Variants in NKAPD1 observed in about 807,000 individuals in gnomAD.
The protein encoded by NKAPD1 is uncharacterized protein NKAPD1.
Under a neutral mutation model 30.9 loss-of-function variants are expected in NKAPD1, and 12 were observed. The ratio of observed to expected loss-of-function variants is 0.39; its 90% confidence interval spans 0.25 to 0.63. The LOEUF is 0.63. NKAPD1 is among the 20% of genes least tolerant of loss of function. The pLI is 0.51. For missense variants in NKAPD1, 311 were observed against 344.5 expected (o/e 0.90, Z 0.77); for synonymous variants, 91 against 113.6 (o/e 0.80, Z 1.26).
rs1306858347 is a variant in NKAPD1, at chr11:112,083,014, C to T, written c.*42C>T. 2 of 1,550,250 alleles carry T rather than the reference C, an allele frequency of 1.3e-6. No homozygotes were observed. The highest frequency in any genetic ancestry group is 1.3e-5 in the South Asian group (1 of 77,840). On this transcript the variant is annotated 3_prime_UTR_variant, in exon 6 of 6. Coordinates refer to ENST00000393047, the MANE Select transcript of NKAPD1 (RefSeq NM_018195.4). ...TTTTCCACATGACTGTGGATATTTACAGTTCTTACTCCTTGTGGTTTTGCC... is the reference window on the plus strand; with the variant it reads ...TTTTCCACATGACTGTGGATATTTATAGTTCTTACTCCTTGTGGTTTTGCC...
rs903956053 is a variant in NKAPD1 at position 112,082,546 on chromosome 11, G to T, written c.456G>T (p.Lys152Asn). 6.2e-7 allele frequency: 1 copy of T among 1,610,576 alleles called. No homozygotes were observed. Among genetic ancestry groups the T allele is most frequent in the Admixed American group, 1.7e-5 (1 of 59,352 alleles). ...KSSTHESRKH[K>N]KSKKSHKKKQ... ...CTACCCATGAATCCCGCAAACACAAGAAGTCAAAGAAATCCCACAAAAAAA... is the reference window on the plus strand; with the variant it reads ...CTACCCATGAATCCCGCAAACACAATAAGTCAAAGAAATCCCACAAAAAAA... Residue 152 changes from lysine to asparagine, a missense_variant, in exon 6 of 6, where the codon AAG becomes AAT. Transcript: ENST00000393047.
intron 2 of NKAPD1, among the ~76,000 whole-genome samples, chr11:112,078,006 C>T (rs1024351969): frequency 5.9e-5 from 9 of 151,850 alleles, no homozygotes; most frequent in East Asian, 3.9e-4. Flanking sequence ...CTACCACGCC[C>T]GGCTAATTTT....
At chr11:112,079,503 A>G (rs1865399612) in intron 3 of NKAPD1, among the ~76,000 whole-genome samples, 1 of 152,208 alleles carries the variant, frequency 6.6e-6, no homozygotes, top group Non-Finnish European at 1.5e-5. Flanking sequence ...TAGAAATGGT[A>G]AACAGAAGCT....
At chr11:112,082,360 A>T in intron 5 of NKAPD1, 105 bp from the exon 6 acceptor site, 1 of 1,010,486 alleles carries the variant, frequency 9.9e-7, no homozygotes, top group Non-Finnish European at 1.4e-6. Context: ...GTGCTTATTT[A>T]AAATTCAGAT....
Position 112,082,517 on chromosome 11 carries a change from T to A in NKAPD1, c.427T>A (p.Ser143Thr). 1 of 1,605,436 alleles carries A rather than the reference T, an allele frequency of 6.2e-7. No homozygotes were observed. The highest frequency in any genetic ancestry group is 8.5e-7 in the Non-Finnish European group (1 of 1,178,244). Reference sequence around the variant, plus strand: ...GAAGAAAACATCTCCCCAGGTAAAGTCATCTACCCATGAATCCCGCAAACA... The same window carrying A: ...GAAGAAAACATCTCCCCAGGTAAAGACATCTACCCATGAATCCCGCAAACA... ...NGKKTSPQVK[S>T]STHESRKHKK... The change falls in exon 6 of 6, where the codon TCA becomes ACA. Residue 143 changes from serine to threonine, a missense_variant. Ser to Thr is a moderately conservative substitution (Grantham distance 58). Coordinates refer to ENST00000393047, the MANE Select transcript of NKAPD1 (RefSeq NM_018195.4).
intron 4 of NKAPD1, chr11:112,081,682 G>GT (rs565579643): frequency 1.0e-3 from 293 of 292,022 alleles, no homozygotes; most frequent in African/African-American, 6.3e-3. Flanking sequence ...ATTATGAAGT[G>GT]TTTTTGGAAA....
At chr11:112,082,386 T>G in intron 5 of NKAPD1, 79 bp from the exon 6 acceptor site, 3 of 1,261,744 alleles carry the variant, frequency 2.4e-6, no homozygotes, top group Non-Finnish European at 3.2e-6. Flanking sequence ...CCTCAATTTT[T>G]TAATCTAGAA....
At position 112,080,489 on chromosome 11, in the gene NKAPD1, A is replaced by G; in HGVS notation, c.251A>G (p.Glu84Gly). The stretch of plus-strand genomic sequence containing the variant: ...AAGAATGAAATTTCTGGGACACTGG[A>G]AGATGATTTTCTTAAGGCTAAATCC... ...RPKNEISGTLEDDFLKAKSWN... is the reference protein window; with the variant it reads ...RPKNEISGTLGDDFLKAKSWN... Residue 84 changes from glutamate (E) to glycine (G), a missense_variant, in exon 4 of 6, where the codon GAA becomes GGA. Glu to Gly is a moderately conservative substitution (Grantham distance 98, BLOSUM62 -2). Coordinates refer to ENST00000393047, the MANE Select transcript of NKAPD1 (RefSeq NM_018195.4). 1 of 1,614,074 alleles carries G rather than the reference A, an allele frequency of 6.2e-7. No individual in the cohort carries two copies. The highest frequency in any genetic ancestry group is 8.5e-7 in the Non-Finnish European group (1 of 1,179,998).
In NKAPD1 at chr11:112,074,598, G is replaced by A; in HGVS notation, c.-327G>A. ...TCTGGGGAGTGAAACTTACCCCCGG[G>A]GTTCGTCCTAGAGGAGCGTGAGCGG... On this transcript the variant is annotated 5_prime_UTR_variant, in exon 1 of 6. Coordinates refer to ENST00000393047, the MANE Select transcript of NKAPD1 (RefSeq NM_018195.4). 2.5e-6 allele frequency: 1 copy of A among 398,226 alleles called. No homozygotes were observed. Among genetic ancestry groups the A allele is most frequent in the Non-Finnish European group, 4.4e-6 (1 of 225,858 alleles). The allele number at this position is 398,226 out of a possible 1,614,324, so 24.7% of individuals were successfully genotyped here. A position where few individuals can be genotyped will look rare whatever the true frequency, so the allele number is the denominator to read the frequency against.
intron 4 of NKAPD1, chr11:112,081,741 TAAGG>T (rs1431463350): frequency 6.7e-6 from 3 of 449,414 alleles, no homozygotes; most frequent in Admixed American, 8.2e-5. Flanking sequence ...TAGTGTTTCT[TAAGG>T]AAAGCAATGG....
chr11:112,077,488 A>G (rs969433492), intron 2 of NKAPD1, among the ~76,000 whole-genome samples: 4 of 152,222 alleles, frequency 2.6e-5, no homozygotes, highest in African/African-American at 4.8e-5. Context: ...TGACTTTGTT[A>G]AAATCTCTGA....
chr11:112,079,141 A>AT (rs35305300), intron 3 of NKAPD1, among the ~76,000 whole-genome samples: 103,074 of 115,962 alleles, frequency 0.89, 46,995 homozygotes, highest in East Asian at 0.98. Context: ...GGCCCTTACA[A>AT]TTTTTTTTTT....
intron 4 of NKAPD1, 181 bp downstream of exon 4, chr11:112,080,739 G>A: frequency 3.3e-6 from 2 of 612,774 alleles, no homozygotes; most frequent in Non-Finnish European, 5.6e-6. Context: ...TAAACAAAAT[G>A]CGATATATCC....
At chr11:112,081,177 T>C (rs1216427962) in intron 4 of NKAPD1, 2 of 151,958 alleles carry the variant, frequency 1.3e-5, no homozygotes, top group African/African-American at 4.8e-5. Flanking sequence ...ATACAAAAAT[T>C]AGCCGGGCGT....
chr11:112,079,804 TTC>T (rs1292804647), intron 3 of NKAPD1, among the ~76,000 whole-genome samples: 1 of 151,946 alleles, frequency 6.6e-6, no homozygotes, highest in Non-Finnish European at 1.5e-5. Context: ...TCAGATTTTT[TTC>T]TTTTTTTCTT....
rs758779477 is a variant in NKAPD1 at position 112,082,694 on chromosome 11, C to CA, written c.606dup (p.Pro203ThrfsTer3). The CA allele has an allele frequency of 5.6e-6, 9 of 1,613,974 alleles. No homozygotes were observed. The highest frequency in any genetic ancestry group is 7.6e-6 in the Non-Finnish European group (9 of 1,179,998). On this transcript the variant is annotated frameshift_variant, in exon 6 of 6. Coordinates refer to ENST00000393047, the MANE Select transcript of NKAPD1 (RefSeq NM_018195.4). LOFTEE classifies it high-confidence loss of function. ...GGCTTCTGGTACAAGGAAAGGGAAA[C>CA]AACCACATAAACGCAAGAAAAAATC...
intron 5 of NKAPD1, 178 bp from the exon 6 acceptor site, chr11:112,082,287 C>G (rs1400848920): frequency 5.6e-6 from 4 of 714,178 alleles, no homozygotes; most frequent in Non-Finnish European, 8.7e-6. Context: ...TTTTTACCTT[C>G]ATTTTAAAGA....
In NKAPD1 at chr11:112,078,300, T is replaced by G; in HGVS notation, c.155T>G (p.Leu52Arg). The G allele has an allele frequency of 1.2e-6, 2 of 1,611,304 alleles. No homozygotes were observed. Among genetic ancestry groups the G allele is most frequent in the Non-Finnish European group, 1.7e-6 (2 of 1,178,214 alleles). Residue 52 changes from leucine (L) to arginine (R), a missense_variant, in exon 3 of 6, where the codon CTA becomes CGA. Coordinates refer to ENST00000393047, the MANE Select transcript of NKAPD1 (RefSeq NM_018195.4). ...DAYRGTKRKM[L>R]PSSSSRMRSD... ...TACCGGGGGACCAAAAGGAAAATGC[T>G]ACCCAGCAGTTCAAGGTGAAGTTGC...
chr11:112,082,639 T>G lies in NKAPD1; in HGVS notation c.549T>G (p.Asp183Glu). Residue 183 changes from aspartate (D) to glutamate (E), a missense_variant, in exon 6 of 6, where the codon GAT becomes GAG. Physicochemically the swap from Asp to Glu is conservative, Grantham distance 45. Coordinates refer to ENST00000393047, the MANE Select transcript of NKAPD1 (RefSeq NM_018195.4). ...SKKEATDITADSSSEFSEETG... is the reference protein window; with the variant it reads ...SKKEATDITAESSSEFSEETG... Reference sequence around the variant, plus strand: ...AGGAAGCCACAGATATAACAGCAGATTCCTCGAGTGAGTTCTCAGAAGAAA... The same window carrying G: ...AGGAAGCCACAGATATAACAGCAGAGTCCTCGAGTGAGTTCTCAGAAGAAA... The G allele has an allele frequency of 6.2e-7, 1 of 1,613,860 alleles. No homozygotes were observed. Among genetic ancestry groups the G allele is most frequent in the Non-Finnish European group, 8.5e-7 (1 of 1,179,990 alleles).
Sources: allele counts gnomAD v4.1 joint callset (sites outside exome capture counted in the v4.1 genomes callset), GRCh38; gene constraint gnomAD v4.1.1; transcripts MANE v1.5; gene names NCBI Gene and HGNC (gene_info 2026-07-23, HGNC 2026-07-21).